Variants in NCAM2 observed in about 807,000 individuals in gnomAD.
NCAM2 encodes N-CAM-2.
A neutral mutation model predicts 98.1 loss-of-function variants in NCAM2; 30 were observed. The observed-to-expected ratio is 0.31, with a 90% CI of 0.23 to 0.41. NCAM2 has a LOEUF of 0.41. NCAM2 is among the 10% of genes least tolerant of loss of function. The probability of loss-of-function intolerance (pLI) is 1.00; values close to 1 mark genes in which losing one functional copy is unlikely to be tolerated. For missense variants in NCAM2, 867 were observed against 1,005.8 expected, an observed-to-expected ratio of 0.86 and a Z score of 1.87; for synonymous variants, 368 against 342.4, an observed-to-expected ratio of 1.07 and a Z score of -0.83.
intron 1 of NCAM2, among the ~76,000 whole-genome samples, chr21:21,066,011 G>C (rs1444497389): frequency 1.3e-5 from 2 of 152,134 alleles, no homozygotes; most frequent in Non-Finnish European, 2.9e-5. Context: ...CCTGTCTCCA[G>C]ATTTACTGAG....
intron 1 of NCAM2, among the ~76,000 whole-genome samples, chr21:21,091,797 A>T (rs2066017469): frequency 6.6e-6 from 1 of 152,202 alleles, no homozygotes; most frequent in African/African-American, 2.4e-5. Flanking sequence ...ATAGAATGTA[A>T]TTTATTCCTG....
chr21:21,162,529 G>T (rs901049932), intron 1 of NCAM2, among the ~76,000 whole-genome samples: 1 of 152,040 alleles, frequency 6.6e-6, no homozygotes, highest in Admixed American at 6.6e-5. Context: ...ACTGTGGGCT[G>T]TTAAGAGAAT....
At chr21:21,526,958 T>G (rs1026302413) in intron 16 of NCAM2, among the ~76,000 whole-genome samples, 5 of 152,278 alleles carry the variant, frequency 3.3e-5, no homozygotes, top group Admixed American at 3.3e-4. Context: ...CATTATGCAC[T>G]TCATAAAAAT....
chr21:21,283,775 G>A (rs1189046749), intron 2 of NCAM2, among the ~76,000 whole-genome samples: 1 of 151,860 alleles, frequency 6.6e-6, no homozygotes, highest in Non-Finnish European at 1.5e-5. Context: ...CCTGACCCTA[G>A]CAAAGACCAC....
At chr21:21,087,017 G>A (rs2065918186) in intron 1 of NCAM2, among the ~76,000 whole-genome samples, 1 of 150,536 alleles carries the variant, frequency 6.6e-6, no homozygotes, top group Non-Finnish European at 1.5e-5. Flanking sequence ...ATTGTAACCT[G>A]TCTTCCCAGA....
intron 1 of NCAM2, among the ~76,000 whole-genome samples, chr21:21,266,231 T>G (rs1340070197): frequency 1.3e-5 from 2 of 152,114 alleles, no homozygotes; most frequent in African/African-American, 4.8e-5. Flanking sequence ...TTTGGGAAAT[T>G]TAGACTTAAA....
At chr21:21,392,458 T>G (rs941410202) in intron 9 of NCAM2, among the ~76,000 whole-genome samples, 8 of 152,218 alleles carry the variant, frequency 5.3e-5, no homozygotes, top group Non-Finnish European at 1.2e-4. Context: ...TTCCTTTGGG[T>G]ATATACCCAG....
intron 1 of NCAM2, among the ~76,000 whole-genome samples, chr21:21,048,335 C>A (rs2065039061): frequency 6.6e-6 from 1 of 152,014 alleles, no homozygotes; most frequent in Non-Finnish European, 1.5e-5. Context: ...TAAGTTGTCC[C>A]CCCTTTCTGA....
chr21:21,051,716 T>G (rs2065111818), intron 1 of NCAM2, among the ~76,000 whole-genome samples: 1 of 152,184 alleles, frequency 6.6e-6, no homozygotes, highest in Non-Finnish European at 1.5e-5. Context: ...TTGGCCACAT[T>G]TGCTGGTTTA....
intron 1 of NCAM2, among the ~76,000 whole-genome samples, chr21:21,254,947 CTATGTG>C (rs1568839585): frequency 9.6e-5 from 5 of 52,208 alleles, no homozygotes; most frequent in Admixed American, 2.8e-4. Flanking sequence ...CATAGCATAT[CTATGTG>C]TGTGTGTGTG....
chr21:21,505,113 C>G (rs1337770593), intron 15 of NCAM2, among the ~76,000 whole-genome samples: 1 of 151,930 alleles, frequency 6.6e-6, no homozygotes, highest in African/African-American at 2.4e-5. Flanking sequence ...TAACTTCAAG[C>G]AACCTACGAT....
At chr21:21,279,835 G>A (rs1342676596) in intron 1 of NCAM2, among the ~76,000 whole-genome samples, 3 of 152,160 alleles carry the variant, frequency 2.0e-5, no homozygotes, top group Non-Finnish European at 4.4e-5. Context: ...GCTCAAGTAC[G>A]TGCATTTGAG....
At chr21:21,442,993 T>C (rs1979533585) in intron 12 of NCAM2, among the ~76,000 whole-genome samples, 1 of 152,194 alleles carries the variant, frequency 6.6e-6, no homozygotes, top group African/African-American at 2.4e-5. Context: ...ATTTTCCTGC[T>C]TTCTCTTGTG....
intron 12 of NCAM2, among the ~76,000 whole-genome samples, chr21:21,455,385 C>T (rs1221876539): frequency 6.6e-6 from 1 of 151,632 alleles, no homozygotes; most frequent in South Asian, 2.1e-4. Flanking sequence ...TTTTTGAGCT[C>T]TAAAATGCAA....
At position 21,127,802 on chromosome 21, in the gene NCAM2, G is replaced by A. The variant is rs1036748863; in HGVS notation, c.55+129184G>A. 2.6e-5 allele frequency among the ~76,000 whole-genome samples: 4 copies of A among 151,824 alleles called. 1 individual carries two copies. The highest frequency in any genetic ancestry group is 4.2e-4 in the South Asian group (2 of 4,802). ...AAATGACAGGTTTTATTTTTATGAC[G>A]AATATTTCATTGTGTATATATACGT... is the stretch of plus-strand genomic sequence containing the variant. On this transcript the variant is annotated intron_variant, in intron 1 of 17. Coordinates refer to ENST00000400546, the MANE Select transcript of NCAM2 (RefSeq NM_004540.5).
chr21:21,534,711 C>T, intron 17 of NCAM2, 55 bp downstream of exon 17: 1 of 1,384,386 alleles, frequency 7.2e-7, no homozygotes. Flanking sequence ...AAAATGATAA[C>T]ACATTATTAT....
chr21:21,451,407 T>G lies in NCAM2; in HGVS notation c.1655-15199T>G, dbSNP rs567659447. Among the ~76,000 whole-genome samples the G allele has an allele frequency of 5.3e-5, 8 of 152,300 alleles. No individual in the cohort carries two copies. In the South Asian group the frequency reaches 1.7e-3, roughly 32 times the overall value. ...TGGGAAGTAATGTTATGTAGTTAGC[T>G]GTTCTTCAATATTAATTCTTAATGA... On this transcript the variant is annotated intron_variant, in intron 12 of 17. Transcript: ENST00000400546.
intron 9 of NCAM2, among the ~76,000 whole-genome samples, chr21:21,403,968 G>T (rs936271820): frequency 6.6e-6 from 1 of 151,402 alleles, no homozygotes; most frequent in Non-Finnish European, 1.5e-5. Flanking sequence ...TATTTAAGGG[G>T]TCAGGCTTAA....
chr21:21,335,745 T>C (rs937013509), intron 7 of NCAM2, 80 bp downstream of exon 7: 2 of 1,132,848 alleles, frequency 1.8e-6, no homozygotes, highest in African/African-American at 3.2e-5. Flanking sequence ...TCATTTGAAC[T>C]ATTTAAACTT....
Sources: gnomAD v4.1 joint callset for allele counts (sites outside exome capture counted in the v4.1 genomes callset) on GRCh38, gnomAD v4.1.1 for gene constraint, MANE v1.5 for transcripts, NCBI Gene and HGNC (gene_info 2026-07-23, HGNC 2026-07-21) for gene names.